The following PTPRD variants were observed in gnomAD, a reference collection of about 807,000 sequenced individuals.
PTPRD encodes the protein protein tyrosine phosphatase receptor type D.
A neutral mutation model predicts 214.5 loss-of-function variants in PTPRD; 34 were observed. That is an observed-to-expected ratio of 0.16 (90% CI 0.12 to 0.21). The LOEUF (loss-of-function observed/expected upper bound fraction) is 0.21, where lower values mean the gene tolerates loss of function less well. PTPRD is among the 10% of genes least tolerant of loss of function. The pLI is 1.00. For synonymous variants in PTPRD, 1,128 were observed against 845.7 expected (o/e 1.33, Z -5.79); for missense variants, 2,545 against 2,398.7 (o/e 1.06, Z -1.27).
chr9:10,551,809 T>C (rs921615207), intron 2 of PTPRD, among the ~76,000 whole-genome samples: 2 of 152,132 alleles, frequency 1.3e-5, no homozygotes, highest in African/African-American at 4.8e-5. Context: ...GCTGAGAAAG[T>C]ACCAGCATAT....
intron 5 of PTPRD, among the ~76,000 whole-genome samples, chr9:9,774,752 A>T (rs1380997868): frequency 6.6e-6 from 1 of 152,186 alleles, no homozygotes; most frequent in African/African-American, 2.4e-5. Context: ...GTAAATGCTA[A>T]TCATTACAGT....
intron 2 of PTPRD, among the ~76,000 whole-genome samples, chr9:10,416,486 A>C (rs925054541): frequency 6.6e-6 from 1 of 151,978 alleles, no homozygotes; most frequent in African/African-American, 2.4e-5. Context: ...CAAATGTTAA[A>C]AGAAATAGGA....
chr9:8,407,173 C>T (rs1002871431), intron 35 of PTPRD, among the ~76,000 whole-genome samples: 30 of 152,140 alleles, frequency 2.0e-4, no homozygotes, highest in African/African-American at 5.5e-4. Context: ...TTAGATAATA[C>T]GCTTAGGTTC....
chr9:8,721,679 C>A (rs1409136617), intron 12 of PTPRD, among the ~76,000 whole-genome samples: 3 of 152,146 alleles, frequency 2.0e-5, no homozygotes. Flanking sequence ...TTACAGCAAT[C>A]CTATAATTAT....
intron 5 of PTPRD, among the ~76,000 whole-genome samples, chr9:9,843,745 A>C (rs575698693): frequency 6.6e-6 from 1 of 152,164 alleles, no homozygotes; most frequent in South Asian, 2.1e-4. Flanking sequence ...AATATGTATA[A>C]AAACAAGATA....
chr9:9,309,761 C>T (rs1371241763), intron 9 of PTPRD, among the ~76,000 whole-genome samples: 4 of 152,194 alleles, frequency 2.6e-5, no homozygotes, highest in Non-Finnish European at 4.4e-5. Context: ...ACTGCCACAG[C>T]ATCTTAGGTA....
intron 12 of PTPRD, among the ~76,000 whole-genome samples, chr9:8,697,190 A>G (rs2154387333): frequency 6.6e-6 from 1 of 152,212 alleles, no homozygotes; most frequent in Non-Finnish European, 1.5e-5. Context: ...AATAAATCTA[A>G]TTTCTGAGGA....
chr9:10,438,008 C>CATATATATATATATAT (rs71485332), intron 2 of PTPRD, among the ~76,000 whole-genome samples: 17 of 125,146 alleles, frequency 1.4e-4, no homozygotes, highest in African/African-American at 6.2e-4. Context: ...CCTAAGTCTA[C>CATATATATATATATAT]ATATATATAT....
intron 14 of PTPRD, among the ~76,000 whole-genome samples, chr9:8,612,188 T>C (rs767358239): frequency 5.9e-5 from 9 of 152,210 alleles, no homozygotes; most frequent in Non-Finnish European, 1.2e-4. Flanking sequence ...AGAAAGATGA[T>C]ATTTCAATGT....
In PTPRD at chr9:9,753,242, C is replaced by T. The variant is rs565983076; in HGVS notation, c.-326+13568G>A. On this transcript the variant is annotated intron_variant, in intron 6 of 45. Coordinates refer to ENST00000381196, the MANE Select transcript of PTPRD (RefSeq NM_002839.4). ...AGAATCTATTCCAGAAAGAATCATT[C>T]AGTTTCATTTTGTAGCTTCATAGCC... is the stretch of plus-strand genomic sequence containing the variant. 2.6e-5 allele frequency among the ~76,000 whole-genome samples: 4 copies of T among 152,060 alleles called. No individual in the cohort carries two copies. In the East Asian group the frequency reaches 7.7e-4, roughly 29 times the overall value.
chr9:8,479,557 T>C (rs1293919549), intron 30 of PTPRD, among the ~76,000 whole-genome samples: 2 of 152,050 alleles, frequency 1.3e-5, no homozygotes, highest in Non-Finnish European at 2.9e-5. Flanking sequence ...AAGCTAAAAA[T>C]AAAAACTGAC....
intron 31 of PTPRD, among the ~76,000 whole-genome samples, chr9:8,468,743 C>G (rs564879959): frequency 1.4e-5 from 2 of 147,208 alleles, no homozygotes; most frequent in South Asian, 2.2e-4. Context: ...TTTGTCAAAC[C>G]TGGCAGTATC....
At chr9:9,069,276 C>T (rs1018262916) in intron 10 of PTPRD, among the ~76,000 whole-genome samples, 2 of 151,952 alleles carry the variant, frequency 1.3e-5, no homozygotes, top group Non-Finnish European at 2.9e-5. Flanking sequence ...ATTTATAAGT[C>T]AATGCTTATT....
chr9:8,367,022 A>G (rs7859123), intron 39 of PTPRD, among the ~76,000 whole-genome samples: 13,291 of 152,054 alleles, frequency 0.087, 625 homozygotes, highest in Middle Eastern at 0.11. Context: ...TTGAAAGTGG[A>G]TTTATTTATT....
intron 3 of PTPRD, among the ~76,000 whole-genome samples, chr9:10,238,321 A>G (rs928221529): frequency 6.6e-6 from 1 of 151,858 alleles, no homozygotes; most frequent in Non-Finnish European, 1.5e-5. Flanking sequence ...GGACTCTAAG[A>G]CTAGTTTCCC....
chr9:8,472,202 C>T (rs1245304741), intron 30 of PTPRD, among the ~76,000 whole-genome samples: 2 of 152,120 alleles, frequency 1.3e-5, no homozygotes, highest in Admixed American at 6.6e-5. Flanking sequence ...TTCTTATTTA[C>T]TCTATGTGTC....
chr9:9,137,160 G>A (rs1450766451), intron 10 of PTPRD, among the ~76,000 whole-genome samples: 1 of 152,120 alleles, frequency 6.6e-6, no homozygotes, highest in Non-Finnish European at 1.5e-5. Context: ...AAGGCAAATT[G>A]CTATTGAAGA....
At chr9:8,474,419 C>A (rs112894386) in intron 30 of PTPRD, among the ~76,000 whole-genome samples, 10 of 152,118 alleles carry the variant, frequency 6.6e-5, no homozygotes, top group African/African-American at 2.4e-4. Context: ...TTCTTCAATT[C>A]TCCCTTTCCA....
intron 7 of PTPRD, among the ~76,000 whole-genome samples, chr9:9,622,712 G>T (rs966184405): frequency 6.6e-6 from 1 of 152,130 alleles, no homozygotes; most frequent in Non-Finnish European, 1.5e-5. Flanking sequence ...AAATAACATA[G>T]ATATATTAAG....
Sources: gnomAD v4.1 joint callset for allele counts (sites outside exome capture counted in the v4.1 genomes callset) on GRCh38, gnomAD v4.1.1 for gene constraint, MANE v1.5 for transcripts, NCBI Gene and HGNC (gene_info 2026-07-23, HGNC 2026-07-21) for gene names.